VPS45: variants seen among roughly 807,000 people sequenced by gnomAD.
VPS45 encodes the protein vacuolar protein sorting-associated protein 45.
VPS45 carries 35 observed loss-of-function variants against 75.9 expected under a neutral mutation model. The ratio of observed to expected loss-of-function variants is 0.46; its 90% CI spans 0.35 to 0.61. VPS45 has a LOEUF of 0.61. Among genes scored for constraint, VPS45 ranks in the 20% least tolerant of loss-of-function variants. VPS45 has a pLI of 0.00. For synonymous variants in VPS45, 220 were observed against 238.2 expected, an observed-to-expected ratio of 0.92 and a Z score of 0.70; for missense variants, 559 against 685.9, an observed-to-expected ratio of 0.81 and a Z score of 2.07.
In VPS45 at chr1:150,068,697, G is replaced by C; in HGVS notation, c.161G>C (p.Arg54Pro). The C allele has an allele frequency of 6.2e-7, 1 of 1,613,066 alleles. No homozygotes were observed. Among genetic ancestry groups the C allele is most frequent in the South Asian group, 1.1e-5 (1 of 90,962 alleles). Residue 54 changes from arginine to proline, a missense_variant, in exon 2 of 15, where the codon CGC (arginine) becomes CCC (proline). By Grantham distance (103) the Arg-to-Pro change is moderately radical (BLOSUM62 -2). Coordinates refer to ENST00000644510, the MANE Select transcript of VPS45 (RefSeq NM_007259.5). Reference protein sequence around the residue: ...ILQKEVYLFERIDSQNREIMK... With the variant: ...ILQKEVYLFEPIDSQNREIMK... ...CAGAAGGAAGTGTACCTCTTTGAAC[G>C]CATTGATTCTCAAAATCGAGAGATC...
intron 14 of VPS45, among the ~76,000 whole-genome samples, chr1:150,131,951 T>C (rs1298504768): frequency 6.6e-6 from 1 of 152,068 alleles, no homozygotes; most frequent in Non-Finnish European, 1.5e-5. Flanking sequence ...AGATTAATAG[T>C]GTGAAGCTTA....
chr1:150,081,763 G>A (rs1312850875), intron 8 of VPS45, 121 bp from the exon 9 acceptor site: 6 of 689,800 alleles, frequency 8.7e-6, no homozygotes, highest in South Asian at 6.0e-5. Context: ...TCCAAATTTG[G>A]TAATTAAAAT....
chr1:150,067,579 C>T, upstream of VPS45: 1 of 446,878 alleles, frequency 2.2e-6, no homozygotes, highest in South Asian at 4.0e-5. Flanking sequence ...GTCTGAGAGT[C>T]CGGGCCTCAG....
chr1:150,138,057 T>C (rs1659206603), intron 14 of VPS45, among the ~76,000 whole-genome samples: 1 of 152,344 alleles, frequency 6.6e-6, no homozygotes, highest in African/African-American at 2.4e-5. Context: ...AAGAGTTGTT[T>C]ACACTCACTG....
At chr1:150,099,032 T>A (rs1017790464) in intron 13 of VPS45, 1 of 1,097,226 alleles carries the variant, frequency 9.1e-7, no homozygotes, top group Non-Finnish European at 1.1e-6. Flanking sequence ...CAGTCCTTTT[T>A]CATTGGCCTT....
intron 12 of VPS45, among the ~76,000 whole-genome samples, chr1:150,093,022 A>G (rs1185178170): frequency 7.1e-6 from 1 of 141,652 alleles, no homozygotes; most frequent in East Asian, 2.0e-4. Flanking sequence ...TTTTTTTTGT[A>G]TTTTTAGTAG....
In VPS45 at chr1:150,099,805, C is replaced by G. The variant is rs1448417584; in HGVS notation, c.1493+6157C>G. 4.2e-5 allele frequency among the ~76,000 whole-genome samples: 6 copies of G among 144,492 alleles called. No individual in the cohort carries two copies. The East Asian group carries it at 1.2e-3, about 29-fold the overall frequency. The allele number at this position is 144,492 out of a possible 152,430, so 94.8% of individuals were successfully genotyped here. ...CCAAAATCAAGCCACTGCTCTCCAG[C>G]CTGGGGGACAGAGCGAGACTCCGTC... On this transcript the variant is annotated intron_variant, in intron 13 of 14. Coordinates refer to ENST00000644510, the MANE Select transcript of VPS45 (RefSeq NM_007259.5).
Position 150,142,429 on chromosome 1 carries a change from T to C in VPS45, c.1626-2280T>C, listed in dbSNP as rs970666681. Among the ~76,000 whole-genome samples, 9 of 152,360 alleles carry C rather than the reference T, an allele frequency of 5.9e-5. No homozygotes were observed. In the East Asian group the frequency reaches 1.7e-3, roughly 29 times the overall value. On this transcript the variant is annotated intron_variant, in intron 14 of 14. Transcript: ENST00000644510. Reference sequence around the variant, plus strand: ...GCCAAAAAGCCAGGCCAAAGATGTCTGTATTTCCATAGAGGAACAAATGAA... The same window carrying C: ...GCCAAAAAGCCAGGCCAAAGATGTCCGTATTTCCATAGAGGAACAAATGAA...
intron 10 of VPS45, among the ~76,000 whole-genome samples, chr1:150,083,722 T>C (rs1655854049): frequency 6.7e-6 from 1 of 149,670 alleles, no homozygotes; most frequent in Non-Finnish European, 1.5e-5. Context: ...TATTTAAATA[T>C]ATATATGGGA....
intron 2 of VPS45, 117 bp downstream of exon 2, chr1:150,068,881 T>C: frequency 8.6e-7 from 1 of 1,163,598 alleles, no homozygotes; most frequent in African/African-American, 1.6e-5. Context: ...ATAATTATCC[T>C]GGTTCATCAG....
At chr1:150,074,593 G>A (rs1397754892) in intron 3 of VPS45, among the ~76,000 whole-genome samples, 1 of 152,182 alleles carries the variant, frequency 6.6e-6, no homozygotes, top group Non-Finnish European at 1.5e-5. Flanking sequence ...CCCCAGGAGT[G>A]CAACTGCTGA....
chr1:150,136,080 CT>C (rs1559946491), intron 14 of VPS45, among the ~76,000 whole-genome samples: 1 of 150,022 alleles, frequency 6.7e-6, no homozygotes, highest in African/African-American at 2.5e-5. Context: ...AAAACCCCAT[CT>C]CTACTAAAAA....
intron 13 of VPS45, among the ~76,000 whole-genome samples, chr1:150,106,208 A>T (rs1480079000): frequency 6.6e-6 from 1 of 152,212 alleles, no homozygotes; most frequent in Non-Finnish European, 1.5e-5. Context: ...CAAAGAATTT[A>T]TGACAAAGAT....
chr1:150,095,148 A>G (rs1320458610), intron 13 of VPS45, among the ~76,000 whole-genome samples: 6 of 152,328 alleles, frequency 3.9e-5, no homozygotes, highest in Admixed American at 1.3e-4. Flanking sequence ...AAGAACTTAC[A>G]TAGAGACAAT....
chr1:150,068,007 C>T (rs587721700), intron 1 of VPS45, 57 bp downstream of exon 1: 7 of 1,501,098 alleles, frequency 4.7e-6, no homozygotes, highest in Non-Finnish European at 5.6e-6. Context: ...TACAATTGCT[C>T]GTCCCATTCC....
intron 3 of VPS45, among the ~76,000 whole-genome samples, chr1:150,073,154 A>G (rs1027933099): frequency 2.6e-5 from 4 of 152,102 alleles, no homozygotes; most frequent in African/African-American, 7.2e-5. Context: ...AGTTACATCT[A>G]TTCTCCTCTA....
chr1:150,086,178 C>G lies in VPS45; in HGVS notation c.1104+3295C>G, dbSNP rs143487711. 7.0e-3 allele frequency among the ~76,000 whole-genome samples: 1,064 copies of G among 152,108 alleles called. 8 individuals carry two copies. The highest frequency in any genetic ancestry group is 0.034 in the Middle Eastern group (10 of 292). On this transcript the variant is annotated intron_variant, in intron 10 of 14. Transcript: ENST00000644510. ...TATTTGAAGCAGTATAGAGTAGTGG[C>G]TAAGAGCTTGGGCCTTTGATGGCTT...
chr1:150,121,912 A>G (rs1553809658), intron 14 of VPS45, among the ~76,000 whole-genome samples: 5 of 152,168 alleles, frequency 3.3e-5, no homozygotes, highest in Non-Finnish European at 7.3e-5. Context: ...TATGTAATAG[A>G]TGCAGTGGGG....
chr1:150,068,797 G>A (rs2101477361), intron 2 of VPS45, 33 bp downstream of exon 2: 3 of 1,547,918 alleles, frequency 1.9e-6, no homozygotes, highest in Non-Finnish European at 1.7e-6. Context: ...ATCTGCCCAG[G>A]CAGATGCAGA....
Sources: allele counts gnomAD v4.1 joint callset (sites outside exome capture counted in the v4.1 genomes callset), GRCh38; gene constraint gnomAD v4.1.1; transcripts MANE v1.5; gene names NCBI Gene and HGNC (gene_info 2026-07-23, HGNC 2026-07-21).